The following RBMS3 variants were observed in gnomAD, a reference collection of about 807,000 sequenced individuals.
The protein encoded by RBMS3 is RNA binding motif single stranded interacting protein 3.
Under a neutral mutation model 66.8 loss-of-function variants are expected in RBMS3, and 27 were observed. The observed-to-expected ratio is 0.40, with a 90% CI of 0.30 to 0.56. The LOEUF is 0.56. RBMS3 is among the 20% of genes least tolerant of loss of function. The pLI is 0.40. For synonymous variants in RBMS3, 188 were observed against 183.0 expected (o/e 1.03, Z -0.22); for missense variants, 513 against 549.5 (o/e 0.93, Z 0.66).
intron 3 of RBMS3, among the ~76,000 whole-genome samples, chr3:29,578,169 C>T (rs192845871): frequency 2.0e-5 from 3 of 152,120 alleles, no homozygotes; most frequent in African/African-American, 7.2e-5. Context: ...AGTGAGAGCT[C>T]GAGAGTTAGT....
At chr3:29,516,964 G>T (rs929971799) in intron 3 of RBMS3, among the ~76,000 whole-genome samples, 3 of 152,032 alleles carry the variant, frequency 2.0e-5, no homozygotes, top group Non-Finnish European at 4.4e-5. Flanking sequence ...TGTAATTCCA[G>T]CAATTTGGGA....
At chr3:29,340,946 TTA>T in intron 1 of RBMS3, among the ~76,000 whole-genome samples, 1 of 152,204 alleles carries the variant, frequency 6.6e-6, no homozygotes, top group East Asian at 1.9e-4. Flanking sequence ...TAATTTAAAC[TTA>T]GTTTAATAAT....
At chr3:29,521,652 G>A (rs1237595655) in intron 3 of RBMS3, among the ~76,000 whole-genome samples, 1 of 152,164 alleles carries the variant, frequency 6.6e-6, no homozygotes, top group African/African-American at 2.4e-5. Flanking sequence ...AAAATATGAA[G>A]CACATGCTTT....
intron 5 of RBMS3, among the ~76,000 whole-genome samples, chr3:29,744,785 GAAA>G (rs1553655159): frequency 7.2e-6 from 1 of 138,192 alleles, no homozygotes; most frequent in Non-Finnish European, 1.6e-5. Flanking sequence ...CTCCGTCTCG[GAAA>G]AAAAAAAAAA....
chr3:29,908,881 G>A (rs1377592640), intron 10 of RBMS3, among the ~76,000 whole-genome samples: 1 of 151,852 alleles, frequency 6.6e-6, no homozygotes, highest in Non-Finnish European at 1.5e-5. Context: ...TAATTGAAAA[G>A]GTACAGTTGA....
chr3:29,442,168 C>T (rs2041650392), intron 2 of RBMS3, among the ~76,000 whole-genome samples: 1 of 152,144 alleles, frequency 6.6e-6, no homozygotes, highest in Admixed American at 6.5e-5. Context: ...GCAAGAAACT[C>T]TTCCTATTTT....
At chr3:29,317,303 C>G (rs2034739487) in intron 1 of RBMS3, among the ~76,000 whole-genome samples, 2 of 151,582 alleles carry the variant, frequency 1.3e-5, no homozygotes, top group Non-Finnish European at 3.0e-5. Context: ...ATTTTTTTAT[C>G]CTTATATTTT....
At chr3:29,947,035 G>A (rs1695367646) in intron 12 of RBMS3, among the ~76,000 whole-genome samples, 1 of 151,484 alleles carries the variant, frequency 6.6e-6, no homozygotes. Context: ...AATAAAGAAG[G>A]AAGAAAAAAG....
At chr3:29,708,631 A>T (rs149576989) in intron 4 of RBMS3, among the ~76,000 whole-genome samples, 1 of 152,264 alleles carries the variant, frequency 6.6e-6, no homozygotes, top group African/African-American at 2.4e-5. Context: ...GATTGGGGTG[A>T]TTCTAGCAGA....
At chr3:29,373,178 C>T (rs1305198274) in intron 1 of RBMS3, among the ~76,000 whole-genome samples, 1 of 152,152 alleles carries the variant, frequency 6.6e-6, no homozygotes, top group Non-Finnish European at 1.5e-5. Context: ...TGGTCTCTTT[C>T]TGTGTTAATC....
chr3:29,423,858 C>T (rs776531904), intron 1 of RBMS3, among the ~76,000 whole-genome samples: 16 of 152,268 alleles, frequency 1.1e-4, no homozygotes, highest in Non-Finnish European at 2.1e-4. Flanking sequence ...CTGGAGTTAA[C>T]GGAGGTGAAG....
intron 14 of RBMS3, among the ~76,000 whole-genome samples, chr3:29,996,181 A>G (rs1398155299): frequency 1.3e-5 from 2 of 149,682 alleles, no homozygotes; most frequent in Non-Finnish European, 3.0e-5. Context: ...AGGCCATTAC[A>G]TAATGGTAAA....
At chr3:29,619,678 C>T (rs2048800848) in intron 4 of RBMS3, among the ~76,000 whole-genome samples, 1 of 152,160 alleles carries the variant, frequency 6.6e-6, no homozygotes, top group Non-Finnish European at 1.5e-5. Context: ...ATATGACTCA[C>T]TTGATTCAGT....
At chr3:29,546,388 T>A (rs1201850056) in intron 3 of RBMS3, among the ~76,000 whole-genome samples, 2 of 152,148 alleles carry the variant, frequency 1.3e-5, no homozygotes, top group Non-Finnish European at 2.9e-5. Context: ...TTTCCTCAAC[T>A]GCCTCACAAC....
intron 3 of RBMS3, among the ~76,000 whole-genome samples, chr3:29,564,353 G>A (rs1275436506): frequency 6.6e-6 from 1 of 151,984 alleles, no homozygotes; most frequent in Non-Finnish European, 1.5e-5. Flanking sequence ...GGGCATGCTG[G>A]TGGGCACCTG....
At chr3:29,943,239 G>C (rs1419845637) in intron 11 of RBMS3, among the ~76,000 whole-genome samples, 1 of 151,818 alleles carries the variant, frequency 6.6e-6, no homozygotes, top group Non-Finnish European at 1.5e-5. Context: ...AATGGAATAA[G>C]AGTCACACAA....
At chr3:29,543,026 TAGC>T (rs1395028190) in intron 3 of RBMS3, among the ~76,000 whole-genome samples, 1 of 152,188 alleles carries the variant, frequency 6.6e-6, no homozygotes, top group African/African-American at 2.4e-5. Context: ...ATCCACTGCA[TAGC>T]GTCCCCTCTT....
At chr3:29,564,604 T>C (rs959952064) in intron 3 of RBMS3, among the ~76,000 whole-genome samples, 4 of 152,166 alleles carry the variant, frequency 2.6e-5, no homozygotes, top group Non-Finnish European at 1.5e-5. Flanking sequence ...AAGAAATTAG[T>C]ATATAGCATA....
intron 4 of RBMS3, among the ~76,000 whole-genome samples, chr3:29,649,673 A>G (rs2050072468): frequency 6.6e-6 from 1 of 152,210 alleles, no homozygotes; most frequent in Non-Finnish European, 1.5e-5. Context: ...TTTATCAAGT[A>G]ACTGGAGAAG....
Sources: gnomAD v4.1 joint callset for allele counts (sites outside exome capture counted in the v4.1 genomes callset) on GRCh38, gnomAD v4.1.1 for gene constraint, MANE v1.5 for transcripts, NCBI Gene and HGNC (gene_info 2026-07-23, HGNC 2026-07-21) for gene names.